ZSWIM6: variants seen among roughly 807,000 people sequenced by gnomAD.
The protein encoded by ZSWIM6 is zinc finger SWIM-type containing 6.
Under a neutral mutation model 113.2 loss-of-function variants are expected in ZSWIM6, and 9 were observed. The observed-to-expected ratio is 0.08, with a 90% CI of 0.05 to 0.14. The LOEUF (loss-of-function observed/expected upper bound fraction) is 0.14. Among genes scored for constraint, ZSWIM6 ranks in the 10% least tolerant of loss-of-function variants. The pLI is 1.00. For missense variants in ZSWIM6, 1,162 were observed against 1,552.2 expected, an observed-to-expected ratio of 0.75 and a Z score of 4.22; for synonymous variants, 611 against 606.5, an observed-to-expected ratio of 1.01 and a Z score of -0.11.
In ZSWIM6 at chr5:61,499,388, G is replaced by A. The variant is rs576083831; in HGVS notation, c.1333+4978G>A. 7.9e-5 allele frequency among the ~76,000 whole-genome samples: 12 copies of A among 152,232 alleles called. No individual in the cohort carries two copies. In the South Asian group the frequency reaches 2.3e-3, roughly 29 times the overall value. On this transcript the variant is annotated intron_variant, in intron 4 of 13. Coordinates refer to ENST00000252744, the MANE Select transcript of ZSWIM6 (RefSeq NM_020928.2). ...CTCTATCAGTGTGTATGAAGCACTT[G>A]CTATGTCTAGAGGAACAGATGTATT...
At chr5:61,383,039 C>T (rs1376944438) in intron 1 of ZSWIM6, among the ~76,000 whole-genome samples, 1 of 152,192 alleles carries the variant, frequency 6.6e-6, no homozygotes, top group Non-Finnish European at 1.5e-5. Flanking sequence ...GAATCTCATT[C>T]TTAACCTGAA....
At position 61,461,643 on chromosome 5, in the gene ZSWIM6, G is replaced by A. The variant is rs548518452; in HGVS notation, c.677-11038G>A. On this transcript the variant is annotated intron_variant, in intron 1 of 13. Transcript: ENST00000252744. The stretch of plus-strand genomic sequence containing the variant: ...GATGACTGTCAGTGTTTGTACTGGG[G>A]GTGTGGTTATTACCAGGCTCTCAGA... 6.6e-5 allele frequency among the ~76,000 whole-genome samples: 10 copies of A among 152,182 alleles called. No individual in the cohort carries two copies. The South Asian group carries it at 1.9e-3, about 28-fold the overall frequency.
intron 1 of ZSWIM6, chr5:61,391,628 G>T (rs1208284433): frequency 1.1e-6 from 1 of 925,642 alleles, no homozygotes; most frequent in East Asian, 2.4e-5. Flanking sequence ...ACCATGGGTG[G>T]TATCTCCACA....
intron 1 of ZSWIM6, among the ~76,000 whole-genome samples, chr5:61,410,491 G>A (rs1460790927): frequency 6.6e-6 from 1 of 151,758 alleles, no homozygotes; most frequent in Non-Finnish European, 1.5e-5. Flanking sequence ...TGTATTTTTA[G>A]TAGAGATGGG....
At chr5:61,466,897 A>G (rs1003155616) in intron 1 of ZSWIM6, among the ~76,000 whole-genome samples, 2 of 152,212 alleles carry the variant, frequency 1.3e-5, no homozygotes, top group African/African-American at 4.8e-5. Context: ...CTTAATTTGG[A>G]ACGTCAATGA....
intron 1 of ZSWIM6, among the ~76,000 whole-genome samples, chr5:61,449,905 GA>G: frequency 6.6e-6 from 1 of 152,212 alleles, no homozygotes; most frequent in East Asian, 1.9e-4. Flanking sequence ...AAGGAAGGAT[GA>G]CTGAATGTAT....
chr5:61,519,853 T>C (rs1345993232), intron 4 of ZSWIM6, among the ~76,000 whole-genome samples: 1 of 152,160 alleles, frequency 6.6e-6, no homozygotes, highest in Non-Finnish European at 1.5e-5. Flanking sequence ...GATGAAACTG[T>C]ATCACTTCAG....
At chr5:61,473,290 A>T (rs1747619967) in intron 2 of ZSWIM6, among the ~76,000 whole-genome samples, 1 of 152,194 alleles carries the variant, frequency 6.6e-6, no homozygotes, top group South Asian at 2.1e-4. Flanking sequence ...TAAATTTGTC[A>T]CATTTCATCA....
At chr5:61,447,498 A>G (rs1746986238) in intron 1 of ZSWIM6, among the ~76,000 whole-genome samples, 1 of 152,160 alleles carries the variant, frequency 6.6e-6, no homozygotes, top group Non-Finnish European at 1.5e-5. Context: ...GCTGGTATCC[A>G]CAAAGGACAC....
rs754821174 is a variant in ZSWIM6 at position 61,538,858 on chromosome 5, G to A, written c.2426G>A (p.Arg809His). ...ESTAPSGDLT[R>H]PHHIASVVPN... ...ACTGCTCCATCAGGAGACCTCACCCGCCCACACCACATTGCATCAGTTGTT... is the reference window on the plus strand; with the variant it reads ...ACTGCTCCATCAGGAGACCTCACCCACCCACACCACATTGCATCAGTTGTT... The change falls in exon 11 of 14, where the codon CGC (arginine) becomes CAC (histidine). Residue 809 changes from arginine to histidine, a missense_variant. By Grantham distance (29) the Arg-to-His change is conservative. Coordinates refer to ENST00000252744, the MANE Select transcript of ZSWIM6 (RefSeq NM_020928.2). The A allele has an allele frequency of 1.2e-5, 18 of 1,552,074 alleles. No individual in the cohort carries two copies. The highest frequency in any genetic ancestry group is 2.7e-5 in the African/African-American group (2 of 73,024).
chr5:61,385,117 C>T (rs1745567786), intron 1 of ZSWIM6, among the ~76,000 whole-genome samples: 1 of 152,184 alleles, frequency 6.6e-6, no homozygotes, highest in Admixed American at 6.5e-5. Context: ...GTGGTCTGTG[C>T]AGCCCCTTCC....
intron 2 of ZSWIM6, among the ~76,000 whole-genome samples, chr5:61,482,349 G>A (rs1747891176): frequency 6.7e-6 from 1 of 148,846 alleles, no homozygotes; most frequent in Non-Finnish European, 1.5e-5. Context: ...GGCCTGTTGG[G>A]GAGCGTGGGG....
rs1033916644 is a variant in ZSWIM6, at chr5:61,543,132, A to G, written c.2786-323A>G. 9.9e-5 allele frequency among the ~76,000 whole-genome samples: 15 copies of G among 152,220 alleles called. No individual in the cohort carries two copies. Among genetic ancestry groups the G allele is most frequent in the Non-Finnish European group, 2.2e-4 (15 of 68,042 alleles). On this transcript the variant is annotated intron_variant, in intron 13 of 13. Coordinates refer to ENST00000252744, the MANE Select transcript of ZSWIM6 (RefSeq NM_020928.2). This position sits in a 1 kb window ranked among gnomAD's most constrained non-coding sequence, Gnocchi z 4.3. ...CAATTTTTGAGCCTCAAATTCTGACAGGAAGCCCCAGTGAAGTAGAACTCA... is the reference window on the plus strand; with the variant it reads ...CAATTTTTGAGCCTCAAATTCTGACGGGAAGCCCCAGTGAAGTAGAACTCA...
chr5:61,389,319 G>T (rs1350522457), intron 1 of ZSWIM6, among the ~76,000 whole-genome samples: 2 of 151,890 alleles, frequency 1.3e-5, no homozygotes, highest in East Asian at 3.9e-4. Flanking sequence ...ACTTTGGGAG[G>T]CTGAGGCAGG....
intron 1 of ZSWIM6, among the ~76,000 whole-genome samples, chr5:61,463,901 A>G (rs1033992897): frequency 6.6e-6 from 1 of 152,142 alleles, no homozygotes; most frequent in African/African-American, 2.4e-5. Flanking sequence ...TGGGCTACAG[A>G]GATGAAAGAG....
chr5:61,453,153 A>G (rs1747120496), intron 1 of ZSWIM6, among the ~76,000 whole-genome samples: 1 of 152,172 alleles, frequency 6.6e-6, no homozygotes, highest in South Asian at 2.1e-4. Flanking sequence ...GCTTCACTTT[A>G]AAGTTACTAT....
At chr5:61,459,305 A>G (rs532731066) in intron 1 of ZSWIM6, among the ~76,000 whole-genome samples, 45 of 152,262 alleles carry the variant, frequency 3.0e-4, no homozygotes, top group African/African-American at 9.1e-4. Flanking sequence ...ACTTTTTTCT[A>G]TAGTGTTGTT....
At chr5:61,512,072 A>AACC in intron 4 of ZSWIM6, among the ~76,000 whole-genome samples, 1 of 152,216 alleles carries the variant, frequency 6.6e-6, no homozygotes, top group East Asian at 1.9e-4. Context: ...ATCGTCATGT[A>AACC]ACCACCACCA....
At chr5:61,406,257 A>G (rs899297337) in intron 1 of ZSWIM6, among the ~76,000 whole-genome samples, 9 of 152,214 alleles carry the variant, frequency 5.9e-5, no homozygotes, top group Admixed American at 4.6e-4. Context: ...ATTATTGCAT[A>G]TCACTGTCTT....
Sources: gnomAD v4.1 joint callset for allele counts (sites outside exome capture counted in the v4.1 genomes callset) on GRCh38, gnomAD v4.1.1 for gene constraint, Gnocchi (gnomAD v3.1) non-coding constraint, MANE v1.5 for transcripts, NCBI Gene and HGNC (gene_info 2026-07-23, HGNC 2026-07-21) for gene names.